Variants in FZD9 observed in about 807,000 individuals in gnomAD.
FZD9 encodes the protein frizzled-9.
A neutral mutation model predicts 29.9 loss-of-function variants in FZD9; 29 were observed. The ratio of observed to expected loss-of-function variants is 0.97; its 90% CI spans 0.72 to 1.32. The LOEUF is 1.32. Among genes scored for constraint, FZD9 ranks in the 40% most tolerant of loss-of-function variants. The pLI is 0.00. For synonymous variants in FZD9, 384 were observed against 393.9 expected (o/e 0.97, Z 0.30); for missense variants, 822 against 857.8 (o/e 0.96, Z 0.52).
At position 73,435,905 on chromosome 7, in the gene FZD9, C is replaced by T; in HGVS notation, c.*122C>T. Reference sequence around the variant, plus strand: ...GCTGTCAAGGTCAGGCAAGTGAGCACCGGGGACTGAGGATCAGGGCGGGAC... The same window carrying T: ...GCTGTCAAGGTCAGGCAAGTGAGCATCGGGGACTGAGGATCAGGGCGGGAC... On this transcript the variant is annotated 3_prime_UTR_variant, in exon 1 of 1. Coordinates refer to ENST00000344575, the MANE Select transcript of FZD9 (RefSeq NM_003508.3). 7.5e-7 allele frequency: 1 copy of T among 1,327,950 alleles called. No individual in the cohort carries two copies. The highest frequency in any genetic ancestry group is 1.0e-6 in the Non-Finnish European group (1 of 964,800). 82.3% of individuals were successfully genotyped at this position (1,327,950 alleles called of 1,614,324 possible). A position where few individuals can be genotyped will look rare whatever the true frequency, so the allele number is the denominator to read the frequency against.
chr7:73,435,420 C>T lies in FZD9; in HGVS notation c.1413C>T (p.Leu471=), dbSNP rs1431242558. The change falls in exon 1 of 1, where the codon CTC becomes CTT. Residue 471 remains leucine, a synonymous_variant. Coordinates refer to ENST00000344575, the MANE Select transcript of FZD9 (RefSeq NM_003508.3). ...CVIVCYVYER[L]NMDFWRLRAT... ...TCGTTTGCTATGTCTACGAACGCCT[C>T]AACATGGACTTCTGGCGCCTTCGGG... 4 of 1,613,782 alleles carry T rather than the reference C, an allele frequency of 2.5e-6. No individual in the cohort carries two copies. In the African/African-American group the frequency reaches 5.3e-5, roughly 22 times the overall value.
chr7:73,435,031 G>T lies in FZD9; in HGVS notation c.1024G>T (p.Ala342Ser). ...VVLTLTWFLA[A>S]GKKWGHEAIE... is the part of the protein sequence containing the mutation. ...CCTGACGCTCACCTGGTTCCTGGCT[G>T]CCGGGAAGAAATGGGGCCACGAGGC... is the stretch of plus-strand genomic sequence containing the variant. The change falls in exon 1 of 1, where the codon GCC becomes TCC. Residue 342 changes from alanine to serine, a missense_variant. Coordinates refer to ENST00000344575, the MANE Select transcript of FZD9 (RefSeq NM_003508.3). The T allele has an allele frequency of 6.2e-7, 1 of 1,613,904 alleles. No homozygotes were observed. Among genetic ancestry groups the T allele is most frequent in the Non-Finnish European group, 8.5e-7 (1 of 1,180,008 alleles).
chr7:73,434,714 C>T lies in FZD9; in HGVS notation c.707C>T (p.Ala236Val), dbSNP rs782170377. 2 of 1,607,648 alleles carry T rather than the reference C, an allele frequency of 1.2e-6. No individual in the cohort carries two copies. The highest frequency in any genetic ancestry group is 1.7e-6 in the Non-Finnish European group (2 of 1,179,680). ...RDKDFALVWM[A>V]VWSALCFFST... is the part of the protein sequence containing the mutation. ...AAGGACTTCGCGCTGGTCTGGATGGCCGTGTGGTCGGCGCTGTGCTTCTTC... is the reference window on the plus strand; with the variant it reads ...AAGGACTTCGCGCTGGTCTGGATGGTCGTGTGGTCGGCGCTGTGCTTCTTC... The change falls in exon 1 of 1, where the codon GCC becomes GTC. Residue 236 changes from alanine (A) to valine (V), a missense_variant. Physicochemically the swap from Ala to Val is moderately conservative, Grantham distance 64. Transcript: ENST00000344575.
Position 73,433,785 on chromosome 7 carries a change from G to A in FZD9, c.-223G>A, listed in dbSNP as rs1380076693. 3 of 195,234 alleles carry A rather than the reference G, an allele frequency of 1.5e-5. No individual in the cohort carries two copies. Among genetic ancestry groups the A allele is most frequent in the Non-Finnish European group, 2.9e-5 (3 of 104,370 alleles). 12.1% of individuals were successfully genotyped at this position (195,234 alleles called of 1,614,324 possible). ...GCCCCGGGAGGTTGCGCCGGCTCTG[G>A]CTCAGCGGCGGCTCCGGTGGCAGCG... On this transcript the variant is annotated 5_prime_UTR_variant, in exon 1 of 1. Transcript: ENST00000344575.
chr7:73,434,159 GCT>G lies in FZD9; in HGVS notation c.153_154del (p.Tyr52GlnfsTer243). The G allele has an allele frequency of 6.4e-7, 1 of 1,566,064 alleles. No individual in the cohort carries two copies. Among genetic ancestry groups the G allele is most frequent in the Non-Finnish European group, 8.6e-7 (1 of 1,163,888 alleles). On this transcript the variant is annotated frameshift_variant, in exon 1 of 1. Transcript: ENST00000344575. LOFTEE classifies it low-confidence loss of function (END_TRUNC). ...GAGATCCCCATGTGCCGCGGCATCGGCTACAACCTGACCCGCATGCCCAACCT... is the reference window on the plus strand; with the variant it reads ...GAGATCCCCATGTGCCGCGGCATCGGACAACCTGACCCGCATGCCCAACCT...
Position 73,435,357 on chromosome 7 carries a change from C to G in FZD9, c.1350C>G (p.Val450=), listed in dbSNP as rs782442040. 5 of 1,613,852 alleles carry G rather than the reference C, an allele frequency of 3.1e-6. No homozygotes were observed. Among genetic ancestry groups the G allele is most frequent in the Non-Finnish European group, 4.2e-6 (5 of 1,179,922 alleles). The change falls in exon 1 of 1, where the codon GTC becomes GTG. Residue 450 remains valine, a synonymous_variant. Transcript: ENST00000344575. ...KLEKLMVKIG[V]FSILYTVPAT... ...AGAAGCTCATGGTCAAGATCGGGGT[C>G]TTCTCCATCCTCTACACGGTGCCCG...
chr7:73,434,909 T>C lies in FZD9; in HGVS notation c.902T>C (p.Leu301Pro). Residue 301 changes from leucine to proline, a missense_variant, in exon 1 of 1, where the codon CTC becomes CCC. Leu to Pro is a moderately conservative substitution (Grantham distance 98). Transcript: ENST00000344575. Reference protein sequence around the residue: ...SVACDQEAGALYVIQEGLENT... With the variant: ...SVACDQEAGAPYVIQEGLENT... ...GCCTGTGACCAGGAGGCGGGCGCGC[T>C]CTACGTGATCCAGGAGGGCCTGGAG... 5 of 1,613,784 alleles carry C rather than the reference T, an allele frequency of 3.1e-6. No individual in the cohort carries two copies. The highest frequency in any genetic ancestry group is 4.2e-6 in the Non-Finnish European group (5 of 1,179,986).
In FZD9 at chr7:73,435,598, T is replaced by G; in HGVS notation, c.1591T>G (p.Ser531Ala). 6.2e-7 allele frequency: 1 copy of G among 1,613,028 alleles called. No individual in the cohort carries two copies. Among genetic ancestry groups the G allele is most frequent in the Non-Finnish European group, 8.5e-7 (1 of 1,179,846 alleles). The change falls in exon 1 of 1, where the codon TCC becomes GCC. Residue 531 changes from serine (S) to alanine (A), a missense_variant. Physicochemically the swap from Ser to Ala is moderately conservative, Grantham distance 99. Transcript: ENST00000344575. ...GITSGVWVWS[S>A]KTFQTWQSLC... ...CACCAGCGGCGTCTGGGTGTGGAGC[T>G]CCAAGACTTTCCAGACCTGGCAGAG...
Position 73,434,891 on chromosome 7 carries a change from A to G in FZD9, c.884A>G (p.Asp295Gly). The G allele has an allele frequency of 6.2e-7, 1 of 1,613,610 alleles. No homozygotes were observed. The highest frequency in any genetic ancestry group is 8.5e-7 in the Non-Finnish European group (1 of 1,179,964). The change falls in exon 1 of 1, where the codon GAC (aspartate) becomes GGC (glycine). Residue 295 changes from aspartate (D) to glycine (G), a missense_variant. Transcript: ENST00000344575. The part of the protein sequence containing the change: ...AVAGAQSVAC[D>G]QEAGALYVIQ... ...GCCGGAGCGCAGAGCGTGGCCTGTG[A>G]CCAGGAGGCGGGCGCGCTCTACGTG...
Position 73,434,926 on chromosome 7 carries a change from G to C in FZD9, c.919G>C (p.Gly307Arg). ...GGGCGCGCTCTACGTGATCCAGGAGGGCCTGGAGAACACGGGCTGCACGCT... is the reference window on the plus strand; with the variant it reads ...GGGCGCGCTCTACGTGATCCAGGAGCGCCTGGAGAACACGGGCTGCACGCT... ...EAGALYVIQEGLENTGCTLVF... is the reference protein window; with the variant it reads ...EAGALYVIQERLENTGCTLVF... The change falls in exon 1 of 1, where the codon GGC becomes CGC. Residue 307 changes from glycine to arginine, a missense_variant. Coordinates refer to ENST00000344575, the MANE Select transcript of FZD9 (RefSeq NM_003508.3). 1 of 1,613,828 alleles carries C rather than the reference G, an allele frequency of 6.2e-7. No homozygotes were observed. Among genetic ancestry groups the C allele is most frequent in the Non-Finnish European group, 8.5e-7 (1 of 1,179,894 alleles).
rs1444400608 is a variant in FZD9, at chr7:73,434,546, C to G, written c.539C>G (p.Ala180Gly). 5.6e-6 allele frequency: 8 copies of G among 1,428,616 alleles called. No individual in the cohort carries two copies. The highest frequency in any genetic ancestry group is 6.3e-5 in the Admixed American group (2 of 31,636). The allele number at this position is 1,428,616 out of a possible 1,614,324, so 88.5% of individuals were successfully genotyped here. A position where few individuals can be genotyped will look rare whatever the true frequency, so the allele number is the denominator to read the frequency against. ...LGMLPVAPRP[A>G]RPPGDLGPGA... ...ATGCTGCCCGTGGCGCCGCGGCCCG[C>G]GCGCCCTCCCGGAGACCTGGGCCCG... Residue 180 changes from alanine to glycine, a missense_variant, in exon 1 of 1, where the codon GCG becomes GGG. Ala to Gly is a moderately conservative substitution (Grantham distance 60). Coordinates refer to ENST00000344575, the MANE Select transcript of FZD9 (RefSeq NM_003508.3).
rs782048293 is a variant in FZD9 at position 73,434,977 on chromosome 7, G to C, written c.970G>C (p.Gly324Arg). 1.2e-6 allele frequency: 2 copies of C among 1,614,104 alleles called. No homozygotes were observed. The highest frequency in any genetic ancestry group is 1.7e-5 in the Admixed American group (1 of 60,030). The change falls in exon 1 of 1, where the codon GGC (glycine) becomes CGC (arginine). Residue 324 changes from glycine (G) to arginine (R), a missense_variant. Transcript: ENST00000344575. ...GGTCTTCCTACTGCTCTACTACTTC[G>C]GCATGGCCAGCTCGCTCTGGTGGGT... The part of the protein sequence containing the change: ...TLVFLLLYYF[G>R]MASSLWWVVL...
At position 73,434,534 on chromosome 7, in the gene FZD9, C is replaced by T. The variant is rs1554563330; in HGVS notation, c.527C>T (p.Ala176Val). 12 of 1,419,814 alleles carry T rather than the reference C, an allele frequency of 8.5e-6. No individual in the cohort carries two copies. Among genetic ancestry groups the T allele is most frequent in the Non-Finnish European group, 1.1e-5 (12 of 1,099,156 alleles). The allele number at this position is 1,419,814 out of a possible 1,614,324, so 88.0% of individuals were successfully genotyped here. The change falls in exon 1 of 1, where the codon GCG (alanine) becomes GTG (valine). Residue 176 changes from alanine to valine, a missense_variant. Physicochemically the swap from Ala to Val is moderately conservative, Grantham distance 64 (BLOSUM62 0). Coordinates refer to ENST00000344575, the MANE Select transcript of FZD9 (RefSeq NM_003508.3). ...PHKGLGMLPV[A>V]PRPARPPGDL... ...AAGGGCCTGGGCATGCTGCCCGTGG[C>T]GCCGCGGCCCGCGCGCCCTCCCGGA...
In FZD9 at chr7:73,434,819, C is replaced by G; in HGVS notation, c.812C>G (p.Ser271Cys). Residue 271 changes from serine to cysteine, a missense_variant, in exon 1 of 1, where the codon TCC (serine) becomes TGC (cysteine). Transcript: ENST00000344575. The stretch of plus-strand genomic sequence containing the variant: ...CCCGAGCGCCCCATCATCTTCCTCT[C>G]CATGTGCTACAACGTCTACTCGCTG... ...QYPERPIIFLSMCYNVYSLAF... is the reference protein window; with the variant it reads ...QYPERPIIFLCMCYNVYSLAF... The G allele has an allele frequency of 1.2e-6, 2 of 1,613,340 alleles. No individual in the cohort carries two copies. Among genetic ancestry groups the G allele is most frequent in the Non-Finnish European group, 1.7e-6 (2 of 1,180,006 alleles).
Position 73,435,351 on chromosome 7 carries a change from C to T in FZD9, c.1344C>T (p.Ile448=), listed in dbSNP as rs1410097374. The T allele has an allele frequency of 4.3e-6, 7 of 1,613,636 alleles. No individual in the cohort carries two copies. The highest frequency in any genetic ancestry group is 4.5e-5 in the East Asian group (2 of 44,892). Reference sequence around the variant, plus strand: ...AGCTGGAGAAGCTCATGGTCAAGATCGGGGTCTTCTCCATCCTCTACACGG... The same window carrying T: ...AGCTGGAGAAGCTCATGGTCAAGATTGGGGTCTTCTCCATCCTCTACACGG... ...TEKLEKLMVK[I]GVFSILYTVP... is the part of the protein sequence containing the mutation. Residue 448 remains isoleucine (I), a synonymous_variant, in exon 1 of 1, where the codon ATC becomes ATT. Coordinates refer to ENST00000344575, the MANE Select transcript of FZD9 (RefSeq NM_003508.3).
Position 73,435,199 on chromosome 7 carries a change from C to T in FZD9, c.1192C>T (p.Leu398Phe). Residue 398 changes from leucine (L) to phenylalanine (F), a missense_variant, in exon 1 of 1, where the codon CTC (leucine) becomes TTC (phenylalanine). Coordinates refer to ENST00000344575, the MANE Select transcript of FZD9 (RefSeq NM_003508.3). ...CGTGGCCAGCACGGATGCAGCAGCGCTCACGGGCTTCGTGCTGGTGCCCCT... is the reference window on the plus strand; with the variant it reads ...CGTGGCCAGCACGGATGCAGCAGCGTTCACGGGCTTCGTGCTGGTGCCCCT... ...CYVASTDAAA[L>F]TGFVLVPLSG... 1 of 1,613,340 alleles carries T rather than the reference C, an allele frequency of 6.2e-7. No individual in the cohort carries two copies. The highest frequency in any genetic ancestry group is 8.5e-7 in the Non-Finnish European group (1 of 1,180,034).
In FZD9 at chr7:73,433,778, G is replaced by A. The variant is rs1027120039; in HGVS notation, c.-230G>A. 6 of 184,102 alleles carry A rather than the reference G, an allele frequency of 3.3e-5. No individual in the cohort carries two copies. The highest frequency in any genetic ancestry group is 5.3e-5 in the Non-Finnish European group (5 of 94,526). 11.4% of individuals were successfully genotyped at this position (184,102 alleles called of 1,614,324 possible). A position where few individuals can be genotyped will look rare whatever the true frequency, so the allele number is the denominator to read the frequency against. On this transcript the variant is annotated 5_prime_UTR_variant, in exon 1 of 1. Coordinates refer to ENST00000344575, the MANE Select transcript of FZD9 (RefSeq NM_003508.3). ...AGCCTCGGCCCCGGGAGGTTGCGCC[G>A]GCTCTGGCTCAGCGGCGGCTCCGGT...
In FZD9 at chr7:73,434,573, G is replaced by A. The variant is rs769369970; in HGVS notation, c.566G>A (p.Gly189Asp). 3.3e-4 allele frequency: 487 copies of A among 1,483,688 alleles called. No individual in the cohort carries two copies. The highest frequency in any genetic ancestry group is 1.1e-3 in the Admixed American group (48 of 42,080). The allele number at this position is 1,483,688 out of a possible 1,614,324, so 91.9% of individuals were successfully genotyped here. ...PARPPGDLGP[G>D]AGGSGTCENP... ...CGCCCTCCCGGAGACCTGGGCCCGG[G>A]CGCGGGCGGCAGTGGCACCTGCGAG... Residue 189 changes from glycine (G) to aspartate (D), a missense_variant, in exon 1 of 1, where the codon GGC becomes GAC. Physicochemically the swap from Gly to Asp is moderately conservative, Grantham distance 94. Coordinates refer to ENST00000344575, the MANE Select transcript of FZD9 (RefSeq NM_003508.3).
In FZD9 at chr7:73,435,412, G is replaced by A; in HGVS notation, c.1405G>A (p.Glu469Lys). 3 of 1,613,858 alleles carry A rather than the reference G, an allele frequency of 1.9e-6. No individual in the cohort carries two copies. Among genetic ancestry groups the A allele is most frequent in the Non-Finnish European group, 1.7e-6 (2 of 1,180,008 alleles). ...ATCVIVCYVY[E>K]RLNMDFWRLR... ...CTGCGTCATCGTTTGCTATGTCTAC[G>A]AACGCCTCAACATGGACTTCTGGCG... is the stretch of plus-strand genomic sequence containing the variant. The change falls in exon 1 of 1, where the codon GAA (glutamate) becomes AAA (lysine). Residue 469 changes from glutamate to lysine, a missense_variant. By Grantham distance (56) the Glu-to-Lys change is moderately conservative. Transcript: ENST00000344575.
Sources: allele counts gnomAD v4.1 joint callset, GRCh38; gene constraint gnomAD v4.1.1; transcripts MANE v1.5; gene names NCBI Gene and HGNC (gene_info 2026-07-23, HGNC 2026-07-21).